Variants in ODAD4 observed in about 807,000 individuals in gnomAD.
ODAD4 encodes the protein outer dynein arm-docking complex subunit 4.
ODAD4 carries 49 observed loss-of-function variants against 51.8 expected under a neutral mutation model. The ratio of observed to expected loss-of-function variants is 0.95; its 90% CI spans 0.75 to 1.20. The LOEUF (loss-of-function observed/expected upper bound fraction) is 1.20, where lower values mean the gene tolerates loss of function less well. ODAD4 is among the 50% of genes most tolerant of loss of function. The probability of loss-of-function intolerance (pLI) is 0.00; values close to 1 mark genes in which losing one functional copy is unlikely to be tolerated. For synonymous variants in ODAD4, 235 were observed against 221.3 expected (o/e 1.06, Z -0.55); for missense variants, 590 against 586.5 (o/e 1.01, Z -0.06).
At chr17:41,938,297 A>G (rs1308811734) in intron 5 of ODAD4, among the ~76,000 whole-genome samples, 4 of 152,246 alleles carry the variant, frequency 2.6e-5, no homozygotes, top group Non-Finnish European at 4.4e-5. Flanking sequence ...GCCATCCACC[A>G]GCTGCCCCTT....
At chr17:41,936,701 C>T (rs944114969) in intron 4 of ODAD4, 61 bp from the exon 5 acceptor site, 1 of 1,595,356 alleles carries the variant, frequency 6.3e-7, no homozygotes, top group African/African-American at 1.3e-5. Flanking sequence ...ACCCTAGGGC[C>T]ATGGCTGGGT....
chr17:41,936,893 C>T lies in ODAD4; in HGVS notation c.591C>T (p.Asp197=), dbSNP rs782403110. The T allele has an allele frequency of 6.2e-7, 1 of 1,613,926 alleles. No individual in the cohort carries two copies. Among genetic ancestry groups the T allele is most frequent in the South Asian group, 1.1e-5 (1 of 91,084 alleles). Residue 197 remains aspartate, a synonymous_variant, in exon 5 of 12, where the codon GAC becomes GAT. Transcript: ENST00000377540. ...VRQLLGELYV[D]KEYLEKLLLD... is the part of the protein sequence containing the mutation. Reference sequence around the variant, plus strand: ...AGCTTCTGGGGGAGCTCTACGTGGACAAAGAGTATTTGGAGAAGCTCCTAT... The same window carrying T: ...AGCTTCTGGGGGAGCTCTACGTGGATAAAGAGTATTTGGAGAAGCTCCTAT...
intron 7 of ODAD4, among the ~76,000 whole-genome samples, chr17:41,944,651 TG>T (rs2050562146): frequency 6.6e-6 from 1 of 151,388 alleles, no homozygotes; most frequent in Non-Finnish European, 1.5e-5. Context: ...ATTAGCTGGG[TG>T]TGGTGGCGGG....
In ODAD4 at chr17:41,939,013, TG is replaced by T; in HGVS notation, c.900del (p.Leu301Ter). 1 of 1,612,952 alleles carries T rather than the reference TG, an allele frequency of 6.2e-7. No homozygotes were observed. The highest frequency in any genetic ancestry group is 8.5e-7 in the Non-Finnish European group (1 of 1,179,410). ...GGGAGTCTTCAGAAAGCTGAGAAAG[TG>T]CTGAAGAAGGTACTGGAATGGAACA... Reference protein sequence around the residue: ...AEGSLQKAEKVLKKVLEWNKE... With the variant: ...AEGSLQKAEKXLKKVLEWNKE... On this transcript the variant is annotated frameshift_variant, in exon 7 of 12. Transcript: ENST00000377540. LOFTEE classifies it high-confidence loss of function.
chr17:41,936,457 GCTT>G lies in ODAD4; in HGVS notation c.398-12_398-10del. The G allele has an allele frequency of 6.2e-7, 1 of 1,609,248 alleles. No homozygotes were observed. On this transcript the variant is annotated splice_polypyrimidine_tract_variant and intron_variant, in intron 3 of 11. Transcript: ENST00000377540. ...GGGGGTCTGGCCGACCTGAGCTCCA[GCTT>G]CTTTCCTTGCAGGTCCTTCTTCCAT...
At chr17:41,950,917 T>C (rs1236774566) in intron 9 of ODAD4, among the ~76,000 whole-genome samples, 5 of 150,026 alleles carry the variant, frequency 3.3e-5, no homozygotes, top group Admixed American at 1.3e-4. Context: ...ACCATGTTGG[T>C]CAGGCTGGTC....
At chr17:41,942,179 G>A (rs1194549734) in intron 7 of ODAD4, among the ~76,000 whole-genome samples, 3 of 151,996 alleles carry the variant, frequency 2.0e-5, no homozygotes, top group African/African-American at 7.3e-5. Flanking sequence ...CAGGTGATCC[G>A]CCCACCTCAG....
At chr17:41,938,416 C>G (rs2050456537) in intron 5 of ODAD4, 141 bp from the exon 6 acceptor site, 1 of 674,490 alleles carries the variant, frequency 1.5e-6, no homozygotes, top group Middle Eastern at 4.1e-4. Flanking sequence ...CCACTATGCG[C>G]ACTCACACTC....
chr17:41,956,485 C>CTTTT (rs33985289), intron 10 of ODAD4, among the ~76,000 whole-genome samples: 16 of 110,906 alleles, frequency 1.4e-4, no homozygotes, highest in South Asian at 3.3e-4. Context: ...CATGCCCGGC[C>CTTTT]TTTTTTTTTT....
At chr17:41,964,204 G>T (rs1334741802) in intron 11 of ODAD4, among the ~76,000 whole-genome samples, 3 of 152,118 alleles carry the variant, frequency 2.0e-5, no homozygotes, top group Non-Finnish European at 4.4e-5. Context: ...GGGATTACAG[G>T]CGCCTGCCAC....
intron 3 of ODAD4, 72 bp downstream of exon 3, chr17:41,935,821 G>A: frequency 6.4e-7 from 1 of 1,566,376 alleles, no homozygotes; most frequent in South Asian, 1.2e-5. Flanking sequence ...GGAAGGTTGA[G>A]TCACAGCAGG....
intron 3 of ODAD4, among the ~76,000 whole-genome samples, chr17:41,935,958 CA>C (rs2144491872): frequency 6.6e-6 from 1 of 152,340 alleles, no homozygotes; most frequent in African/African-American, 2.4e-5. Context: ...CCCTGATGCA[CA>C]CACTGATCTC....
chr17:41,953,744 T>G (rs1226220840), intron 9 of ODAD4, among the ~76,000 whole-genome samples: 1 of 152,006 alleles, frequency 6.6e-6, no homozygotes, highest in Non-Finnish European at 1.5e-5. Context: ...CTGGGCTCAC[T>G]GCAACATTGA....
chr17:41,952,102 C>T (rs2050661767), intron 9 of ODAD4, among the ~76,000 whole-genome samples: 1 of 151,756 alleles, frequency 6.6e-6, no homozygotes, highest in South Asian at 2.1e-4. Flanking sequence ...GGCACAGTGG[C>T]CCATGCCTGT....
At chr17:41,930,881 CTTTTTTTTTTTTTTTT>C in intron 1 of ODAD4, 44 bp downstream of exon 1, 3 of 96,022 alleles carry the variant, frequency 3.1e-5, no homozygotes, top group Admixed American at 2.2e-4. Context: ...TCACCCGTCA[CTTTTTTTTTTTTTTTT>C]TTTTTTTTTT....
At chr17:41,936,049 C>G (rs2144492037) in intron 3 of ODAD4, among the ~76,000 whole-genome samples, 1 of 152,342 alleles carries the variant, frequency 6.6e-6, no homozygotes, top group Middle Eastern at 3.4e-3. Flanking sequence ...AGCCTGGTGT[C>G]AAAAGCTATA....
At chr17:41,963,093 C>T (rs1052084824) in intron 11 of ODAD4, among the ~76,000 whole-genome samples, 6 of 152,180 alleles carry the variant, frequency 3.9e-5, no homozygotes, top group Non-Finnish European at 8.8e-5. Context: ...CCCAGTCTCC[C>T]TACCCTGGCC....
At chr17:41,951,019 A>G (rs2050644033) in intron 9 of ODAD4, among the ~76,000 whole-genome samples, 1 of 150,958 alleles carries the variant, frequency 6.6e-6, no homozygotes, top group African/African-American at 2.4e-5. Context: ...CTCCAAGGGA[A>G]CCTTTCAGAG....
At position 41,939,108 on chromosome 17, in the gene ODAD4, G is replaced by A; in HGVS notation, c.994G>A (p.Glu332Lys). Residue 332 changes from glutamate (E) to lysine (K), a missense_variant, in exon 7 of 12, where the codon GAG becomes AAG. Glu to Lys is a moderately conservative substitution (Grantham distance 56). Around this residue, in one of 3 missense-constraint regions of ODAD4, gnomAD observed 360 missense variants for 407.5 expected, o/e 0.88. Transcript: ENST00000377540. ...LYSCIGNAQIELGQMEAALQS... is the reference protein window; with the variant it reads ...LYSCIGNAQIKLGQMEAALQS... ...TAGCTGCATAGGGAATGCCCAGATT[G>A]AGCTGGGGCAGATGGAGGCAGCCCT... 5 of 1,614,028 alleles carry A rather than the reference G, an allele frequency of 3.1e-6. No individual in the cohort carries two copies. The highest frequency in any genetic ancestry group is 4.2e-6 in the Non-Finnish European group (5 of 1,179,888).
Sources: allele counts gnomAD v4.1 joint callset (sites outside exome capture counted in the v4.1 genomes callset), GRCh38; gene constraint gnomAD v4.1.1; regional missense constraint gnomAD v4.1.1; transcripts MANE v1.5; gene names NCBI Gene and HGNC (gene_info 2026-07-23, HGNC 2026-07-21).